Variants in CDH13 observed in about 807,000 individuals in gnomAD.
CDH13 encodes the protein cadherin-13.
In CDH13, 24 loss-of-function variants were observed where a neutral mutation model predicts 63.8. That is an observed-to-expected ratio of 0.38 (90% CI 0.27 to 0.53). The LOEUF (loss-of-function observed/expected upper bound fraction) is 0.53, where lower values mean the gene tolerates loss of function less well. Ranked by LOEUF, CDH13 falls within the 20% of genes least tolerant of loss-of-function variation. The probability of loss-of-function intolerance (pLI) is 0.85; values close to 1 mark genes in which losing one functional copy is unlikely to be tolerated. For missense variants in CDH13, 1,049 were observed against 903.1 expected (o/e 1.16, Z -2.07); for synonymous variants, 503 against 355.3 (o/e 1.42, Z -4.67).
chr16:82,670,447 A>G (rs556065853), intron 1 of CDH13, among the ~76,000 whole-genome samples: 1 of 152,238 alleles, frequency 6.6e-6, no homozygotes, highest in Non-Finnish European at 1.5e-5. Flanking sequence ...ATCAAAAGCT[A>G]CAGCAATTCT....
rs769089809 is a variant in CDH13 at position 83,234,454 on chromosome 16, G to A, written c.636+16957G>A. ...ATAGGTGATTAGATGGAGGGTAATT[G>A]ATAACGCAGGGTCAGTAGGGAGAGG... On this transcript the variant is annotated intron_variant, in intron 5 of 13. Coordinates refer to ENST00000567109, the MANE Select transcript of CDH13 (RefSeq NM_001257.5). Among the ~76,000 whole-genome samples, 145 of 152,266 alleles carry A rather than the reference G, an allele frequency of 9.5e-4. 1 individual carries two copies. The highest frequency in any genetic ancestry group is 3.4e-3 in the Middle Eastern group (1 of 294).
In CDH13 at chr16:83,321,230, C is replaced by T. The variant is rs151262043; in HGVS notation, c.637-23632C>T. On this transcript the variant is annotated intron_variant, in intron 5 of 13. Coordinates refer to ENST00000567109, the MANE Select transcript of CDH13 (RefSeq NM_001257.5). ...CTATTATTAACGTGCTAATTCAGGT[C>T]AGATGGCCTGGAATTAGTGTCTCAA... 4.6e-5 allele frequency among the ~76,000 whole-genome samples: 7 copies of T among 152,326 alleles called. No individual in the cohort carries two copies. In the East Asian group the frequency reaches 1.4e-3, roughly 29 times the overall value.
At position 83,032,203 on chromosome 16, in the gene CDH13, C is replaced by A; in HGVS notation, c.351C>A (p.Ile117=). Residue 117 remains isoleucine (I), a synonymous_variant, in exon 3 of 14, where the codon ATC becomes ATA. Transcript: ENST00000567109. ...TCGTGATTGTCGGGGGGAAAGACAT[C>A]CAGGGCTCCTTGCAGGTAACACATC... The part of the protein sequence containing the change: ...AELVIVGGKD[I]QGSLQDIFKF... 1.2e-6 allele frequency: 2 copies of A among 1,613,222 alleles called. No homozygotes were observed. Among genetic ancestry groups the A allele is most frequent in the African/African-American group, 1.3e-5 (1 of 75,018 alleles).
intron 6 of CDH13, among the ~76,000 whole-genome samples, chr16:83,392,114 C>T (rs1457890230): frequency 1.3e-5 from 2 of 152,104 alleles, no homozygotes; most frequent in Non-Finnish European, 2.9e-5. Context: ...AAAGCACACC[C>T]CTATACACAC....
intron 2 of CDH13, among the ~76,000 whole-genome samples, chr16:83,009,163 T>C (rs1913859501): frequency 6.6e-6 from 1 of 152,234 alleles, no homozygotes; most frequent in African/African-American, 2.4e-5. Flanking sequence ...TCATAGTCCA[T>C]GTCTACTTCA....
intron 7 of CDH13, among the ~76,000 whole-genome samples, chr16:83,538,683 A>G (rs1444184701): frequency 1.3e-5 from 2 of 152,210 alleles, no homozygotes; most frequent in African/African-American, 2.4e-5. Flanking sequence ...GGATGTAGGC[A>G]CAGAAAGAAA....
chr16:82,672,545 C>T (rs79293793), intron 1 of CDH13, among the ~76,000 whole-genome samples: 3,507 of 152,048 alleles, frequency 0.023, 143 homozygotes, highest in African/African-American at 0.081. Flanking sequence ...CTTGGCTCTT[C>T]CCTCCACTCT....
At chr16:83,691,436 G>A (rs199978210) in intron 10 of CDH13, among the ~76,000 whole-genome samples, 4 of 152,226 alleles carry the variant, frequency 2.6e-5, no homozygotes, top group East Asian at 3.9e-4. Context: ...CAAGCCCTGG[G>A]ACACTCTCAT....
At chr16:83,787,836 G>A (rs13336371) in intron 13 of CDH13, among the ~76,000 whole-genome samples, 19,562 of 152,082 alleles carry the variant, frequency 0.13, 2,092 homozygotes, top group African/African-American at 0.3. Flanking sequence ...CCAGCTACTC[G>A]GGAGGCTGAG....
At chr16:83,519,799 TG>T (rs1474380966) in intron 7 of CDH13, among the ~76,000 whole-genome samples, 3 of 151,860 alleles carry the variant, frequency 2.0e-5, no homozygotes, top group Non-Finnish European at 4.4e-5. Context: ...GTGTGAATGG[TG>T]GGGGGAACAA....
At chr16:83,026,593 A>G (rs1282478418) in intron 2 of CDH13, among the ~76,000 whole-genome samples, 3 of 152,208 alleles carry the variant, frequency 2.0e-5, no homozygotes, top group African/African-American at 7.2e-5. Context: ...TTACAGGAAT[A>G]GTGGCAATTA....
chr16:82,912,047 T>C (rs2041848082), intron 2 of CDH13, among the ~76,000 whole-genome samples: 1 of 151,970 alleles, frequency 6.6e-6, no homozygotes, highest in Non-Finnish European at 1.5e-5. Flanking sequence ...CTCCCACGGC[T>C]CTAATTCCAC....
intron 7 of CDH13, among the ~76,000 whole-genome samples, chr16:83,601,289 A>C (rs1032990315): frequency 6.6e-6 from 1 of 152,150 alleles, no homozygotes; most frequent in Non-Finnish European, 1.5e-5. Context: ...AAGATAATTT[A>C]AATATAGGGG....
At chr16:83,606,168 G>A (rs777584194) in intron 8 of CDH13, among the ~76,000 whole-genome samples, 1 of 152,210 alleles carries the variant, frequency 6.6e-6, no homozygotes, top group Admixed American at 6.5e-5. Flanking sequence ...GTGATCATTT[G>A]GAGTTGAGGA....
intron 13 of CDH13, among the ~76,000 whole-genome samples, chr16:83,792,783 T>C (rs773343028): frequency 6.6e-6 from 1 of 152,232 alleles, no homozygotes; most frequent in Non-Finnish European, 1.5e-5. Flanking sequence ...GAAAGAGGAA[T>C]ATGTATCCAA....
At chr16:83,779,856 T>G (rs1449315999) in intron 11 of CDH13, 112 bp from the exon 12 acceptor site, 8 of 724,306 alleles carry the variant, frequency 1.1e-5, no homozygotes, top group African/African-American at 3.6e-5. Context: ...AGACCCTGTC[T>G]CAAAAAATAA....
chr16:82,738,890 G>T lies in CDH13; in HGVS notation c.45+111753G>T, dbSNP rs186187523. Among the ~76,000 whole-genome samples, 1,021 of 152,242 alleles carry T rather than the reference G, an allele frequency of 6.7e-3. 4 individuals carry two copies. The highest frequency in any genetic ancestry group is 0.026 in the South Asian group (123 of 4,820). On this transcript the variant is annotated intron_variant, in intron 1 of 13. Coordinates refer to ENST00000567109, the MANE Select transcript of CDH13 (RefSeq NM_001257.5). ...TATTCTGCTGCACCTACAACCCCTG[G>T]TGGCCAGTGGCTGTCTTACTAACTT...
At chr16:83,304,847 C>A (rs1180458380) in intron 5 of CDH13, among the ~76,000 whole-genome samples, 1 of 152,100 alleles carries the variant, frequency 6.6e-6, no homozygotes, top group Non-Finnish European at 1.5e-5. Context: ...TCCCTCTCTC[C>A]CCCACCTTTC....
intron 10 of CDH13, among the ~76,000 whole-genome samples, chr16:83,722,582 G>A (rs1259206769): frequency 1.3e-5 from 2 of 152,184 alleles, no homozygotes; most frequent in East Asian, 3.8e-4. Context: ...TGTTCCTCTG[G>A]CAAAGAAAAG....
Sources: gnomAD v4.1 joint callset for allele counts (sites outside exome capture counted in the v4.1 genomes callset) on GRCh38, gnomAD v4.1.1 for gene constraint, MANE v1.5 for transcripts, NCBI Gene and HGNC (gene_info 2026-07-23, HGNC 2026-07-21) for gene names.